Variants in CALCR observed in about 807,000 individuals in gnomAD.
CALCR encodes calcitonin receptor.
A neutral mutation model predicts 59.5 loss-of-function variants in CALCR; 47 were observed. The observed-to-expected ratio is 0.79, with a 90% CI of 0.63 to 1.01. The LOEUF (loss-of-function observed/expected upper bound fraction) is 1.01. Among genes scored for constraint, CALCR ranks in the 50% least tolerant of loss-of-function variants. The pLI is 0.00. For synonymous variants in CALCR, 213 were observed against 211.3 expected, an observed-to-expected ratio of 1.01 and a Z score of -0.07; for missense variants, 566 against 597.1, an observed-to-expected ratio of 0.95 and a Z score of 0.54.
chr7:93,488,151 C>T (rs182743723), intron 2 of CALCR, among the ~76,000 whole-genome samples: 1 of 151,732 alleles, frequency 6.6e-6, no homozygotes, highest in Non-Finnish European at 1.5e-5. Flanking sequence ...TAATATTCAG[C>T]CAAACTAAGC....
At chr7:93,441,442 T>C (rs1258675516) in intron 9 of CALCR, 1 of 436,396 alleles carries the variant, frequency 2.3e-6, no homozygotes, top group Non-Finnish European at 4.5e-6. Context: ...TTGTATCCAG[T>C]CTATTCTTAG....
At position 93,472,371 on chromosome 7, in the gene CALCR, C is replaced by G; in HGVS notation, c.429+4G>C. The G allele has an allele frequency of 6.5e-7, 1 of 1,534,906 alleles. No homozygotes were observed. The highest frequency in any genetic ancestry group is 9.0e-7 in the Non-Finnish European group (1 of 1,111,396). On this transcript the variant is annotated splice_donor_region_variant and intron_variant, in intron 6 of 13. Transcript: ENST00000426151. ...TCAATACTGAAACGTGAAAAAGAAC[C>G]TACCTTCAGTTTCTCAGGAGTGAAA... is the stretch of plus-strand genomic sequence containing the variant.
chr7:93,543,373 G>C (rs2116194362), intron 2 of CALCR, among the ~76,000 whole-genome samples: 1 of 152,154 alleles, frequency 6.6e-6, no homozygotes, highest in Admixed American at 6.5e-5. Context: ...TCGAACTCCT[G>C]ATCTTAAGTG....
At chr7:93,480,820 G>A (rs183626721) in intron 3 of CALCR, among the ~76,000 whole-genome samples, 10 of 151,910 alleles carry the variant, frequency 6.6e-5, no homozygotes, top group East Asian at 2.0e-4. Context: ...AGGCACAAGG[G>A]GGGGTCGAGA....
rs376018855 is a variant in CALCR at position 93,571,146 on chromosome 7, G to C, written c.-27+3143C>G. On this transcript the variant is annotated intron_variant, in intron 2 of 13. Transcript: ENST00000426151. ...ATGAAAACACAAAATCTTATCACTT[G>C]GTTTTATAACACTCATTATATGAAG... Among the ~76,000 whole-genome samples, 38 of 152,078 alleles carry C rather than the reference G, an allele frequency of 2.5e-4. No homozygotes were observed. In the East Asian group the frequency reaches 7.2e-3, roughly 29 times the overall value.
intron 11 of CALCR, among the ~76,000 whole-genome samples, chr7:93,437,147 C>T (rs1361970516): frequency 6.6e-6 from 1 of 151,946 alleles, no homozygotes; most frequent in Admixed American, 6.6e-5. Context: ...TGCATATACT[C>T]AACTCAGATA....
intron 2 of CALCR, among the ~76,000 whole-genome samples, chr7:93,537,727 CACATACAT>C: frequency 6.6e-6 from 1 of 151,688 alleles, no homozygotes; most frequent in Non-Finnish European, 1.5e-5. Context: ...CACACACACA[CACATACAT>C]ACATACATAC....
chr7:93,505,530 G>A (rs1448151999), intron 2 of CALCR, among the ~76,000 whole-genome samples: 2 of 152,250 alleles, frequency 1.3e-5, no homozygotes, highest in East Asian at 3.9e-4. Context: ...ATGGGAATCA[G>A]GTATGTGCTG....
chr7:93,551,372 CT>C (rs1789452455), intron 2 of CALCR, among the ~76,000 whole-genome samples: 1 of 152,182 alleles, frequency 6.6e-6, no homozygotes, highest in Non-Finnish European at 1.5e-5. Flanking sequence ...GCAGGCAAAA[CT>C]TTTCCAACTC....
At chr7:93,568,998 A>G (rs894966024) in intron 2 of CALCR, among the ~76,000 whole-genome samples, 2 of 152,134 alleles carry the variant, frequency 1.3e-5, no homozygotes, top group Non-Finnish European at 2.9e-5. Context: ...GGAATTCATC[A>G]TACAATTTTT....
chr7:93,534,652 T>C (rs1427260759), intron 2 of CALCR, among the ~76,000 whole-genome samples: 1 of 151,774 alleles, frequency 6.6e-6, no homozygotes. Context: ...ATTAAACTCA[T>C]ACCTAACAGT....
chr7:93,452,930 C>T (rs1168694061), intron 8 of CALCR, among the ~76,000 whole-genome samples: 1 of 151,944 alleles, frequency 6.6e-6, no homozygotes, highest in African/African-American at 2.4e-5. Flanking sequence ...TAGTGAGAGT[C>T]TTATATCACT....
intron 3 of CALCR, 134 bp from the exon 4 acceptor site, chr7:93,479,641 G>A: frequency 1.4e-6 from 1 of 726,650 alleles, no homozygotes; most frequent in Non-Finnish European, 2.2e-6. Flanking sequence ...TCTATGTACA[G>A]TTTTTTTCAT....
intron 8 of CALCR, among the ~76,000 whole-genome samples, chr7:93,448,359 A>C (rs762771671): frequency 3.3e-5 from 5 of 151,982 alleles, no homozygotes; most frequent in Non-Finnish European, 5.9e-5. Context: ...GGCAAAGGAG[A>C]ATTAAAAATA....
chr7:93,572,254 C>T (rs1352825283), intron 2 of CALCR, among the ~76,000 whole-genome samples: 2 of 151,756 alleles, frequency 1.3e-5, no homozygotes, highest in South Asian at 2.1e-4. Context: ...ATTTGACCAG[C>T]GATATAACAA....
At chr7:93,468,606 G>A (rs1042693118) in intron 7 of CALCR, 109 bp downstream of exon 7, 42 of 621,324 alleles carry the variant, frequency 6.8e-5, no homozygotes, top group African/African-American at 2.5e-4. Flanking sequence ...GTTGCATGTC[G>A]CTTGTAATTT....
chr7:93,502,976 T>C (rs1801351345), intron 2 of CALCR, among the ~76,000 whole-genome samples: 2 of 152,152 alleles, frequency 1.3e-5, no homozygotes, highest in Admixed American at 1.3e-4. Context: ...ATCTTTTCAA[T>C]AGCCTTCGCA....
intron 9 of CALCR, among the ~76,000 whole-genome samples, chr7:93,443,312 A>T (rs984957618): frequency 2.6e-5 from 4 of 152,126 alleles, no homozygotes; most frequent in African/African-American, 9.7e-5. Context: ...TCTTCTCTCA[A>T]TCAGGACACA....
chr7:93,428,493 A>G (rs1285425368), intron 13 of CALCR, among the ~76,000 whole-genome samples: 2 of 152,190 alleles, frequency 1.3e-5, no homozygotes, highest in African/African-American at 2.4e-5. Context: ...TGGAGAAGCA[A>G]TGTCTCCAGT....
Sources: allele counts gnomAD v4.1 joint callset (sites outside exome capture counted in the v4.1 genomes callset), GRCh38; gene constraint gnomAD v4.1.1; transcripts MANE v1.5; gene names NCBI Gene and HGNC (gene_info 2026-07-23, HGNC 2026-07-21).